DMC1: variants seen among roughly 807,000 people sequenced by gnomAD.
The protein encoded by DMC1 is meiotic recombination protein DMC1 homolog.
A neutral mutation model predicts 50.1 loss-of-function variants in DMC1; 27 were observed. That is an observed-to-expected ratio of 0.54 (90% CI 0.40 to 0.74). The LOEUF is 0.74. Ranked by LOEUF, DMC1 falls within the 30% of genes least tolerant of loss-of-function variation. The pLI is 0.00. For missense variants in DMC1, 295 were observed against 420.2 expected (o/e 0.70, Z 2.60); for synonymous variants, 148 against 136.1 (o/e 1.09, Z -0.61).
chr22:38,557,648 G>C (rs770199641), intron 5 of DMC1, among the ~76,000 whole-genome samples: 2 of 152,168 alleles, frequency 1.3e-5, no homozygotes, highest in Non-Finnish European at 2.9e-5. Flanking sequence ...CTGGGTGACA[G>C]AGTGAGACCG....
chr22:38,537,690 G>A, intron 11 of DMC1, 38 bp from the exon 12 acceptor site: 1 of 1,482,932 alleles, frequency 6.7e-7, no homozygotes, highest in East Asian at 2.3e-5. Flanking sequence ...TATGAGAAAG[G>A]CAATATAGAT....
At chr22:38,529,801 C>A (rs1269322277) in intron 12 of DMC1, among the ~76,000 whole-genome samples, 1 of 152,110 alleles carries the variant, frequency 6.6e-6, no homozygotes, top group Admixed American at 6.6e-5. Context: ...ATCATCATGC[C>A]TACCTTAAAT....
intron 4 of DMC1, 114 bp downstream of exon 4, chr22:38,566,476 A>C: frequency 1.8e-6 from 2 of 1,125,644 alleles, no homozygotes; most frequent in Non-Finnish European, 2.6e-6. Flanking sequence ...AGTATAATAT[A>C]CTGTGATCTA....
the DMC1 span, among the ~76,000 whole-genome samples, chr22:38,509,553 C>A: frequency 2.0e-5 from 3 of 152,140 alleles, no homozygotes; most frequent in South Asian, 2.1e-4. Flanking sequence ...TGATGGTAAA[C>A]CATCAATGTA....
intron 2 of DMC1, 150 bp downstream of exon 2, chr22:38,568,055 CA>C (rs2090598564): frequency 1.2e-5 from 9 of 739,130 alleles, no homozygotes; most frequent in Non-Finnish European, 2.1e-5. Flanking sequence ...CTAATCTTAG[CA>C]TCCTTGCCAA....
intron 12 of DMC1, among the ~76,000 whole-genome samples, chr22:38,532,750 G>A (rs532823122): frequency 1.3e-5 from 2 of 152,120 alleles, no homozygotes; most frequent in Non-Finnish European, 2.9e-5. Context: ...CTCCCAAGTA[G>A]TTAGGACTAC....
At chr22:38,554,053 T>G (rs1182944406) in intron 6 of DMC1, among the ~76,000 whole-genome samples, 1 of 149,928 alleles carries the variant, frequency 6.7e-6, no homozygotes, top group East Asian at 2.0e-4. Flanking sequence ...TGCTTGAACC[T>G]AGGAGGCAGA....
At chr22:38,521,779 A>G (rs11570431) in intron 12 of DMC1, 55 bp from the exon 13 acceptor site, 1 of 1,204,588 alleles carries the variant, frequency 8.3e-7, no homozygotes, top group African/African-American at 1.5e-5. Context: ...ATATGGCAAT[A>G]TCTGCAATTA....
chr22:38,554,210 G>A (rs944134390), intron 6 of DMC1, among the ~76,000 whole-genome samples: 1 of 151,966 alleles, frequency 6.6e-6, no homozygotes, highest in African/African-American at 2.4e-5. Flanking sequence ...ACTGAACTGA[G>A]GTCCTTAAAG....
chr22:38,516,660 A>G (rs9622823), downstream of DMC1, among the ~76,000 whole-genome samples: 4,616 of 152,124 alleles, frequency 0.03, 95 homozygotes, highest in Middle Eastern at 0.075. Context: ...TCAGGTCCTA[A>G]AGAGGGGGTC....
intron 12 of DMC1, among the ~76,000 whole-genome samples, chr22:38,522,202 G>C (rs11570430): frequency 0.087 from 13,132 of 150,488 alleles, 1,392 homozygotes; most frequent in African/African-American, 0.25. Context: ...CTGCCCGCCT[G>C]GGCCTCCCAA....
the DMC1 span, among the ~76,000 whole-genome samples, chr22:38,513,676 C>G: frequency 6.6e-6 from 1 of 152,192 alleles, no homozygotes; most frequent in South Asian, 2.1e-4. Context: ...CTATCCGGTT[C>G]AAGCGATTTT....
At position 38,550,089 on chromosome 22, in the gene DMC1, C is replaced by T. The variant is rs2090387045; in HGVS notation, c.422-92G>A. 3.4e-6 allele frequency: 3 copies of T among 889,978 alleles called. 1 individual carries two copies. In the Admixed American group the frequency reaches 6.3e-5, roughly 19 times the overall value. 55.1% of individuals were successfully genotyped at this position (889,978 alleles called of 1,614,324 possible). A position where few individuals can be genotyped will look rare whatever the true frequency, so the allele number is the denominator to read the frequency against. ...ACACATGGAATCTGCTGTTGCAACT[C>T]TTTAGTACATTTTGCAAAGAGTCAT... On this transcript the variant is annotated intron_variant, in intron 7 of 13. Coordinates refer to ENST00000216024, the MANE Select transcript of DMC1 (RefSeq NM_007068.4).
At chr22:38,527,490 C>CCACTG (rs776360178) in intron 12 of DMC1, among the ~76,000 whole-genome samples, 3 of 151,666 alleles carry the variant, frequency 2.0e-5, no homozygotes, top group Non-Finnish European at 4.4e-5. Flanking sequence ...CAGGTGTGAG[C>CCACTG]CACTGCACTG....
intron 4 of DMC1, among the ~76,000 whole-genome samples, chr22:38,564,371 G>A (rs1225390751): frequency 1.3e-5 from 2 of 152,018 alleles, no homozygotes; most frequent in African/African-American, 4.8e-5. Flanking sequence ...GCGTAGTGGC[G>A]TGATCTTGCC....
intron 12 of DMC1, among the ~76,000 whole-genome samples, chr22:38,529,865 A>C (rs1464015575): frequency 6.6e-6 from 1 of 152,122 alleles, no homozygotes; most frequent in Non-Finnish European, 1.5e-5. Context: ...CTTGAGGGAC[A>C]ATAAGTACTC....
chr22:38,565,152 G>A (rs927620723), intron 4 of DMC1, among the ~76,000 whole-genome samples: 3 of 152,160 alleles, frequency 2.0e-5, no homozygotes, highest in Admixed American at 6.5e-5. Context: ...ATTCCCAAAA[G>A]CTCTACATAA....
chr22:38,549,765 G>A (rs374918659), intron 8 of DMC1, 160 bp downstream of exon 8: 1 of 620,492 alleles, frequency 1.6e-6, no homozygotes. Context: ...TAAATACAAA[G>A]TGATTGGAGA....
intron 4 of DMC1, among the ~76,000 whole-genome samples, chr22:38,564,320 T>A (rs1337026904): frequency 1.3e-5 from 2 of 152,150 alleles, no homozygotes; most frequent in African/African-American, 2.4e-5. Context: ...TCTCTTTTTT[T>A]TTCTTTTGAG....
Sources: gnomAD v4.1 joint callset for allele counts (sites outside exome capture counted in the v4.1 genomes callset) on GRCh38, gnomAD v4.1.1 for gene constraint, MANE v1.5 for transcripts, NCBI Gene and HGNC (gene_info 2026-07-23, HGNC 2026-07-21) for gene names.